Variants in ROBO2 observed in about 807,000 individuals in gnomAD.
ROBO2 encodes the protein roundabout homolog 2.
ROBO2 carries 53 observed loss-of-function variants against 160.8 expected under a neutral mutation model. The ratio of observed to expected loss-of-function variants is 0.33; its 90% confidence interval spans 0.26 to 0.41. ROBO2 has a LOEUF of 0.41. Among genes scored for constraint, ROBO2 ranks in the 10% least tolerant of loss-of-function variants. The pLI is 1.00. For missense variants in ROBO2, 1,577 were observed against 1,722.4 expected, an observed-to-expected ratio of 0.92 and a Z score of 1.49; for synonymous variants, 664 against 611.7, an observed-to-expected ratio of 1.09 and a Z score of -1.26.
At chr3:77,599,030 G>A (rs2094374190) in intron 19 of ROBO2, among the ~76,000 whole-genome samples, 2 of 152,076 alleles carry the variant, frequency 1.3e-5, no homozygotes, top group Admixed American at 1.3e-4. Context: ...GGGTACACCT[G>A]GAGATTTGCA....
At chr3:76,927,390 C>T (rs1033844931) in intron 2 of ROBO2, among the ~76,000 whole-genome samples, 6 of 152,146 alleles carry the variant, frequency 3.9e-5, no homozygotes, top group African/African-American at 1.4e-4. Context: ...AATTTCCATA[C>T]AATAAAAGCT....
At chr3:76,452,106 G>A (rs1484794597) in intron 2 of ROBO2, among the ~76,000 whole-genome samples, 1 of 152,046 alleles carries the variant, frequency 6.6e-6, no homozygotes, top group Admixed American at 6.6e-5. Context: ...TTTGTTGAGA[G>A]AATATTTTGT....
At chr3:76,910,703 G>A (rs1252047717) in intron 2 of ROBO2, among the ~76,000 whole-genome samples, 1 of 135,002 alleles carries the variant, frequency 7.4e-6, no homozygotes, top group Non-Finnish European at 1.5e-5. Context: ...TCCAGCCTGG[G>A]CCACAGAGTG....
intron 2 of ROBO2, among the ~76,000 whole-genome samples, chr3:76,629,141 T>A (rs2089863802): frequency 6.6e-6 from 1 of 152,180 alleles, no homozygotes; most frequent in Non-Finnish European, 1.5e-5. Flanking sequence ...AAAACTAGCA[T>A]ATCTGGTTGT....
At chr3:77,509,211 A>G (rs553690470) in intron 5 of ROBO2, among the ~76,000 whole-genome samples, 66 of 152,058 alleles carry the variant, frequency 4.3e-4, no homozygotes, top group African/African-American at 1.6e-3. Context: ...TGCAAGGGAG[A>G]AATTACAGCC....
intron 2 of ROBO2, among the ~76,000 whole-genome samples, chr3:76,420,204 G>A (rs186047949): frequency 6.6e-6 from 1 of 152,216 alleles, no homozygotes; most frequent in African/African-American, 2.4e-5. Context: ...TTGTAGAGAT[G>A]TGGTCTCCCT....
rs369189222 is a variant in ROBO2, at chr3:77,596,642, G to C, written c.2746G>C (p.Ala916Pro). Reference sequence around the variant, plus strand: ...TTTTAGCCGTCCAGGTCTTCTCAATGCTGGTGATCCCAGCTATCCATGGCT... The same window carrying C: ...TTTTAGCCGTCCAGGTCTTCTCAATCCTGGTGATCCCAGCTATCCATGGCT... Residue 916 changes from alanine (A) to proline (P), a missense_variant, in exon 19 of 26, where the codon GCT becomes CCT. Transcript: ENST00000461745. 8 of 1,613,840 alleles carry C rather than the reference G, an allele frequency of 5.0e-6. No individual in the cohort carries two copies. Among genetic ancestry groups the C allele is most frequent in the African/African-American group, 1.3e-5 (1 of 74,892 alleles).
At chr3:76,869,872 T>C (rs2071840696) in intron 2 of ROBO2, among the ~76,000 whole-genome samples, 1 of 152,122 alleles carries the variant, frequency 6.6e-6, no homozygotes, top group African/African-American at 2.4e-5. Context: ...GTTTGACTGG[T>C]TCTAGTTTAG....
chr3:77,018,293 C>T (rs2062411927), intron 2 of ROBO2, among the ~76,000 whole-genome samples: 1 of 152,022 alleles, frequency 6.6e-6, no homozygotes. Context: ...CTATGTTGGC[C>T]AGACTATTCT....
chr3:77,632,655 A>G, intron 23 of ROBO2: 1 of 1,532,864 alleles, frequency 6.5e-7, no homozygotes, highest in South Asian at 1.2e-5. Flanking sequence ...TTACAAGAAC[A>G]GGTTGGTAGA....
intron 2 of ROBO2, among the ~76,000 whole-genome samples, chr3:76,702,030 A>T (rs1021091413): frequency 6.6e-6 from 1 of 152,034 alleles, no homozygotes; most frequent in Non-Finnish European, 1.5e-5. Context: ...TTTATCATAC[A>T]TGTTGCTCCC....
intron 2 of ROBO2, among the ~76,000 whole-genome samples, chr3:76,581,746 T>C (rs1167899984): frequency 1.3e-5 from 2 of 152,134 alleles, no homozygotes; most frequent in Non-Finnish European, 2.9e-5. Context: ...TAATCTTAAT[T>C]CATGCACAAT....
At chr3:77,188,949 TTGTG>T (rs369545817) in intron 2 of ROBO2, among the ~76,000 whole-genome samples, 2 of 142,908 alleles carry the variant, frequency 1.4e-5, no homozygotes, top group Non-Finnish European at 3.1e-5. Flanking sequence ...TTTTGTAATC[TTGTG>T]TGTGTGTGTG....
chr3:77,300,876 A>G (rs1580865842), intron 2 of ROBO2, among the ~76,000 whole-genome samples: 1 of 110,680 alleles, frequency 9.0e-6, no homozygotes, highest in African/African-American at 2.7e-5. Flanking sequence ...TTATTTATTT[A>G]TTTATTTATT....
At chr3:77,624,928 A>C (rs2094978512) in intron 23 of ROBO2, among the ~76,000 whole-genome samples, 1 of 152,172 alleles carries the variant, frequency 6.6e-6, no homozygotes, top group Admixed American at 6.5e-5. Context: ...GTTCAATAAC[A>C]ACACTGGGAT....
At chr3:76,032,335 G>T (rs529367314) in intron 2 of ROBO2, among the ~76,000 whole-genome samples, 6 of 152,152 alleles carry the variant, frequency 3.9e-5, no homozygotes, top group East Asian at 1.9e-4. Context: ...TTTTTGAGGG[G>T]TTTTTTGTGT....
intron 5 of ROBO2, among the ~76,000 whole-genome samples, chr3:77,514,419 G>A (rs771133743): frequency 7.9e-5 from 12 of 151,804 alleles, no homozygotes; most frequent in East Asian, 1.9e-4. Context: ...ACACAAAGTC[G>A]GCAGTACATA....
At chr3:76,048,353 C>T (rs2067520100) in intron 2 of ROBO2, among the ~76,000 whole-genome samples, 1 of 152,062 alleles carries the variant, frequency 6.6e-6, no homozygotes, top group Non-Finnish European at 1.5e-5. Context: ...TATATTTGTG[C>T]AACTTGAAAA....
intron 2 of ROBO2, among the ~76,000 whole-genome samples, chr3:77,262,287 T>C (rs1225988673): frequency 1.3e-5 from 2 of 152,134 alleles, no homozygotes; most frequent in African/African-American, 4.8e-5. Context: ...ATTTTGTCTT[T>C]GTTTGGAAAT....
Sources: allele counts gnomAD v4.1 joint callset (sites outside exome capture counted in the v4.1 genomes callset), GRCh38; gene constraint gnomAD v4.1.1; transcripts MANE v1.5; gene names NCBI Gene and HGNC (gene_info 2026-07-23, HGNC 2026-07-21).